The following NR5A2 variants were observed in gnomAD, a reference collection of about 807,000 sequenced individuals.
NR5A2 encodes nuclear receptor subfamily 5 group A member 2, also known as CYP7A promoter-binding factor.
A neutral mutation model predicts 62.7 loss-of-function variants in NR5A2; 26 were observed. The ratio of observed to expected loss-of-function variants is 0.41; its 90% CI spans 0.30 to 0.58. The LOEUF is 0.58. NR5A2 is among the 20% of genes least tolerant of loss of function. The probability of loss-of-function intolerance (pLI) is 0.22; values close to 1 mark genes in which losing one functional copy is unlikely to be tolerated. For missense variants in NR5A2, 541 were observed against 669.1 expected, an observed-to-expected ratio of 0.81 and a Z score of 2.11; for synonymous variants, 246 against 241.7, an observed-to-expected ratio of 1.02 and a Z score of -0.16.
At chr1:200,042,303 G>A (rs1662132283) in intron 2 of NR5A2, among the ~76,000 whole-genome samples, 1 of 152,274 alleles carries the variant, frequency 6.6e-6, no homozygotes. Flanking sequence ...CCGCGGGTCT[G>A]CGCGCAGTCC....
intron 7 of NR5A2, among the ~76,000 whole-genome samples, chr1:200,130,840 A>T (rs540681824): frequency 1.1e-3 from 167 of 152,296 alleles, no homozygotes; most frequent in Non-Finnish European, 2.2e-3. Context: ...CATTTACCTC[A>T]CATCTTTACC....
intron 7 of NR5A2, among the ~76,000 whole-genome samples, chr1:200,171,475 G>A (rs539903455): frequency 3.9e-5 from 6 of 152,284 alleles, no homozygotes; most frequent in Non-Finnish European, 7.4e-5. Flanking sequence ...GAGGCTGGAC[G>A]CAGTAGCTCA....
At chr1:200,131,326 C>T (rs1666961814) in intron 7 of NR5A2, among the ~76,000 whole-genome samples, 1 of 152,030 alleles carries the variant, frequency 6.6e-6, no homozygotes, top group Non-Finnish European at 1.5e-5. Context: ...TCAATATGAA[C>T]TTACAGCCAT....
intron 7 of NR5A2, among the ~76,000 whole-genome samples, chr1:200,140,522 G>T (rs1034724002): frequency 1.3e-5 from 2 of 152,218 alleles, no homozygotes; most frequent in South Asian, 2.1e-4. Context: ...GGAGTTTCTT[G>T]TGTTTCTGTG....
chr1:200,088,200 C>T (rs779852043), intron 5 of NR5A2, among the ~76,000 whole-genome samples: 1 of 151,890 alleles, frequency 6.6e-6, no homozygotes, highest in Non-Finnish European at 1.5e-5. Context: ...CCATGGTGCC[C>T]AGCCCCTTGT....
chr1:200,109,700 T>G (rs1256784745), intron 5 of NR5A2, among the ~76,000 whole-genome samples: 1 of 152,196 alleles, frequency 6.6e-6, no homozygotes, highest in East Asian at 1.9e-4. Context: ...ATTAAATGTA[T>G]TTGTTTTATA....
intron 6 of NR5A2, among the ~76,000 whole-genome samples, chr1:200,119,087 T>G (rs1191309921): frequency 6.6e-6 from 1 of 152,238 alleles, no homozygotes; most frequent in Non-Finnish European, 1.5e-5. Context: ...ATAAACTGAT[T>G]GACACCTTTG....
chr1:200,156,275 A>G (rs1653379830), intron 7 of NR5A2, among the ~76,000 whole-genome samples: 1 of 152,256 alleles, frequency 6.6e-6, no homozygotes, highest in African/African-American at 2.4e-5. Flanking sequence ...GCAAACCTGC[A>G]TCCTCCCTCA....
In NR5A2 at chr1:200,139,893, CACA is replaced by C. The variant is rs367594418; in HGVS notation, c.1378+18942_1378+18944del. Among the ~76,000 whole-genome samples, 448 of 152,290 alleles carry C rather than the reference CACA, an allele frequency of 2.9e-3. 2 individuals are homozygous for C. The highest frequency in any genetic ancestry group is 4.6e-3 in the Non-Finnish European group (312 of 68,020). On this transcript the variant is annotated intron_variant, in intron 7 of 7. Transcript: ENST00000367362. ...ATGCATCCCTAAGAGTTGTGTGGTA[CACA>C]ACACCAGTAGCCCTGTCTGGTAGCC...
At chr1:200,061,217 T>C (rs970760079) in intron 5 of NR5A2, among the ~76,000 whole-genome samples, 1 of 151,428 alleles carries the variant, frequency 6.6e-6, no homozygotes, top group Non-Finnish European at 1.5e-5. Context: ...GAAAACCACA[T>C]TATTTTGAAT....
At chr1:200,100,034 C>T (rs770204154) in intron 5 of NR5A2, among the ~76,000 whole-genome samples, 25 of 152,052 alleles carry the variant, frequency 1.6e-4, no homozygotes, top group Non-Finnish European at 2.6e-4. Flanking sequence ...TCCAAGCAAC[C>T]CAGAGGAAAA....
chr1:200,158,623 T>C (rs1009972996), intron 7 of NR5A2, among the ~76,000 whole-genome samples: 1 of 152,190 alleles, frequency 6.6e-6, no homozygotes, highest in Admixed American at 6.5e-5. Flanking sequence ...TGAGACAAAG[T>C]CTCACTATGT....
chr1:200,176,803 A>C lies in NR5A2; in HGVS notation c.*2593A>C, dbSNP rs1038142410. ...GGGGTGCATGCCAGCATACCTGGCT[A>C]CGTTGACTCTTAAAATCTATGTTCT... On this transcript the variant is annotated 3_prime_UTR_variant, in exon 8 of 8. Coordinates refer to ENST00000367362, the MANE Select transcript of NR5A2 (RefSeq NM_205860.3). 1.3e-5 allele frequency: 2 copies of C among 152,312 alleles called. No individual in the cohort carries two copies. The highest frequency in any genetic ancestry group is 3.9e-4 in the East Asian group (2 of 5,186). The allele number at this position is 152,312 out of a possible 1,614,324, so 9.4% of individuals were successfully genotyped here. A position where few individuals can be genotyped will look rare whatever the true frequency, so the allele number is the denominator to read the frequency against.
At chr1:200,101,284 A>C (rs1665353056) in intron 5 of NR5A2, among the ~76,000 whole-genome samples, 1 of 152,056 alleles carries the variant, frequency 6.6e-6, no homozygotes, top group Non-Finnish European at 1.5e-5. Flanking sequence ...AGTCCCCAGC[A>C]CTAATATATG....
intron 5 of NR5A2, among the ~76,000 whole-genome samples, chr1:200,092,709 A>T (rs1222765950): frequency 1.3e-5 from 2 of 151,106 alleles, no homozygotes. Context: ...GTCAGAAAAA[A>T]AAAAGGTTTT....
Position 200,039,710 on chromosome 1 carries a change from T to C in NR5A2, c.117T>C (p.Leu39=). Reference sequence around the variant, plus strand: ...CCCCCATCCCCGCCCGCGGTCGCCTTGTCATGCTGCCCAAAGTGGAGACGG... The same window carrying C: ...CCCCCATCCCCGCCCGCGGTCGCCTCGTCATGCTGCCCAAAGTGGAGACGG... ...HGSPIPARGR[L]VMLPKVETEA... The change falls in exon 2 of 8, where the codon CTT becomes CTC. Residue 39 remains leucine (L), a synonymous_variant. Transcript: ENST00000367362. This position sits in a 1 kb window ranked among gnomAD's most constrained non-coding sequence, Gnocchi z 5.1. 2 of 1,612,074 alleles carry C rather than the reference T, an allele frequency of 1.2e-6. No homozygotes were observed. The highest frequency in any genetic ancestry group is 1.7e-6 in the Non-Finnish European group (2 of 1,179,146).
At chr1:200,107,524 C>T (rs2252801) in intron 5 of NR5A2, among the ~76,000 whole-genome samples, 59,054 of 152,100 alleles carry the variant, frequency 0.39, 12,020 homozygotes, top group East Asian at 0.68. Flanking sequence ...AGAAAACAGA[C>T]AGGCTCAATT....
rs757023437 is a variant in NR5A2, at chr1:200,147,880, C to T, written c.1379-26083C>T. On this transcript the variant is annotated intron_variant, in intron 7 of 7. Transcript: ENST00000367362. This position sits in a 1 kb window ranked among gnomAD's most constrained non-coding sequence, Gnocchi z 4.9. ...CTGCTTGTAGGCGCAGTCCCCGGAG[C>T]GGTGGCCGGCGCGCGGGGAGAAGCT... 7 of 407,030 alleles carry T rather than the reference C, an allele frequency of 1.7e-5. No individual in the cohort carries two copies. Among genetic ancestry groups the T allele is most frequent in the Admixed American group, 7.5e-5 (2 of 26,742 alleles). The allele number at this position is 407,030 out of a possible 1,614,324, so 25.2% of individuals were successfully genotyped here.
In NR5A2 at chr1:200,145,468, TTGTGTGTGTGTGTGTGTG is replaced by T. The variant is rs66885184; in HGVS notation, c.1378+24543_1378+24560del. Among the ~76,000 whole-genome samples, 272 of 142,150 alleles carry T rather than the reference TTGTGTGTGTGTGTGTGTG, an allele frequency of 1.9e-3. 2 individuals carry two copies. The highest frequency in any genetic ancestry group is 7.1e-3 in the Middle Eastern group (2 of 280). 93.3% of individuals were successfully genotyped at this position (142,150 alleles called of 152,430 possible). ...GAAACTGGTAGGCCATTGATAGAAT[TTGTGTGTGTGTGTGTGTG>T]TGTGTGTGTGTGTGTGTGTGTGTGT... On this transcript the variant is annotated intron_variant, in intron 7 of 7. Transcript: ENST00000367362.
Sources: allele counts gnomAD v4.1 joint callset (sites outside exome capture counted in the v4.1 genomes callset), GRCh38; gene constraint gnomAD v4.1.1; non-coding constraint Gnocchi (gnomAD v3.1); transcripts MANE v1.5; gene names NCBI Gene and HGNC (gene_info 2026-07-23, HGNC 2026-07-21).